The following SMAP1 variants were observed in gnomAD, a reference collection of about 807,000 sequenced individuals.
SMAP1 encodes the protein small ArfGAP 1.
Under a neutral mutation model 58.5 loss-of-function variants are expected in SMAP1, and 24 were observed. The observed-to-expected ratio is 0.41, with a 90% CI of 0.30 to 0.58. The LOEUF (loss-of-function observed/expected upper bound fraction) is 0.58. Among genes scored for constraint, SMAP1 ranks in the 20% least tolerant of loss-of-function variants. The pLI is 0.29. For missense variants in SMAP1, 563 were observed against 566.3 expected (o/e 0.99, Z 0.06); for synonymous variants, 216 against 196.6 (o/e 1.10, Z -0.82).
chr6:70,682,170 A>ATTTTTTT lies in SMAP1; in HGVS notation c.118+14059_118+14065dup, dbSNP rs66981900. On this transcript the variant is annotated intron_variant, in intron 1 of 10. Transcript: ENST00000370455. ...GGATTTAAGGTTATTCTCTGCACAGATTTTTTTTTTTTTTTTTTTTTTTTT... is the reference window on the plus strand; with the variant it reads ...GGATTTAAGGTTATTCTCTGCACAGATTTTTTTTTTTTTTTTTTTTTTTTTTTTTTTT... 1.8e-4 allele frequency among the ~76,000 whole-genome samples: 17 copies of ATTTTTTT among 95,920 alleles called. 1 individual carries two copies. The highest frequency in any genetic ancestry group is 2.2e-4 in the Non-Finnish European group (11 of 50,684). The allele number at this position is 95,920 out of a possible 152,430, so 62.9% of individuals were successfully genotyped here. A position where few individuals can be genotyped will look rare whatever the true frequency, so the allele number is the denominator to read the frequency against.
chr6:70,801,301 G>C (rs1282541029), intron 6 of SMAP1, among the ~76,000 whole-genome samples: 1 of 152,108 alleles, frequency 6.6e-6, no homozygotes, highest in Non-Finnish European at 1.5e-5. Context: ...ATATCTGTTG[G>C]CTGCATAAAT....
intron 6 of SMAP1, among the ~76,000 whole-genome samples, chr6:70,826,377 T>C (rs894071149): frequency 2.0e-5 from 3 of 152,072 alleles, no homozygotes; most frequent in African/African-American, 7.2e-5. Flanking sequence ...ATGGATTCTA[T>C]GCAAAATTCA....
chr6:70,829,351 G>C (rs1410143593), intron 6 of SMAP1, among the ~76,000 whole-genome samples: 1 of 151,706 alleles, frequency 6.6e-6, no homozygotes, highest in African/African-American at 2.4e-5. Context: ...GGGCTGAAGC[G>C]ATTCTCCTAC....
intron 2 of SMAP1, among the ~76,000 whole-genome samples, chr6:70,749,962 A>G (rs1438049399): frequency 6.6e-6 from 1 of 152,234 alleles, no homozygotes; most frequent in Non-Finnish European, 1.5e-5. Context: ...TGGAAGATTA[A>G]AACAAAATAT....
intron 3 of SMAP1, chr6:70,759,837 A>C (rs1394468038): frequency 2.2e-6 from 1 of 445,784 alleles, no homozygotes; most frequent in Non-Finnish European, 4.5e-6. Flanking sequence ...GTGAAGATAT[A>C]ATACTGGAAA....
Position 70,858,248 on chromosome 6 carries a change from C to T in SMAP1, c.1269+19C>T. The T allele has an allele frequency of 3.6e-6, 4 of 1,105,772 alleles. No homozygotes were observed. Among genetic ancestry groups the T allele is most frequent in the South Asian group, 1.3e-5 (1 of 75,816 alleles). The allele number at this position is 1,105,772 out of a possible 1,614,324, so 68.5% of individuals were successfully genotyped here. A position where few individuals can be genotyped will look rare whatever the true frequency, so the allele number is the denominator to read the frequency against. On this transcript the variant is annotated intron_variant, in intron 10 of 10. Transcript: ENST00000370455. ...CTCACAGGTAGGGGTCATTTACTTT[C>T]TAGCTTCTCCCAAATCAAACCAGAT...
intron 3 of SMAP1, among the ~76,000 whole-genome samples, chr6:70,766,592 G>A (rs181304040): frequency 6.6e-6 from 1 of 151,936 alleles, no homozygotes; most frequent in South Asian, 2.1e-4. Context: ...TTGATGGGGT[G>A]GTTTGTTTTT....
intron 1 of SMAP1, among the ~76,000 whole-genome samples, chr6:70,716,520 G>T (rs1340176484): frequency 6.6e-6 from 1 of 152,062 alleles, no homozygotes; most frequent in African/African-American, 2.4e-5. Flanking sequence ...GTGGCTTGGG[G>T]GTTGGAGGCT....
rs1034826201 is a variant in SMAP1, at chr6:70,683,479, T to A, written c.118+15338T>A. Among the ~76,000 whole-genome samples the A allele has an allele frequency of 4.6e-5, 7 of 152,288 alleles. No individual in the cohort carries two copies. In the Middle Eastern group the frequency reaches 0.01, roughly 222 times the overall value. On this transcript the variant is annotated intron_variant, in intron 1 of 10. Transcript: ENST00000370455. Reference sequence around the variant, plus strand: ...GCCACTGAGAATATTGAACATTTTTTAATGTGCTCATTGGTCATTTCTATT... The same window carrying A: ...GCCACTGAGAATATTGAACATTTTTAAATGTGCTCATTGGTCATTTCTATT...
intron 8 of SMAP1, among the ~76,000 whole-genome samples, chr6:70,854,348 A>G (rs1757097717): frequency 6.6e-6 from 1 of 152,186 alleles, no homozygotes; most frequent in Non-Finnish European, 1.5e-5. Context: ...TTGGCCAGGT[A>G]TGGTGGTTCA....
Position 70,667,911 on chromosome 6 carries a change from C to T in SMAP1, c.-113C>T. 1 of 869,090 alleles carries T rather than the reference C, an allele frequency of 1.2e-6. No homozygotes were observed. The highest frequency in any genetic ancestry group is 1.7e-6 in the Non-Finnish European group (1 of 589,016). 53.8% of individuals were successfully genotyped at this position (869,090 alleles called of 1,614,324 possible). On this transcript the variant is annotated 5_prime_UTR_variant, in exon 1 of 11. Transcript: ENST00000370455. ...CCGTTCCAGCTGCCGCTGCCGCTTC[C>T]TGGGCTGAGTCCGCCCGCGGTCCCG...
intron 7 of SMAP1, among the ~76,000 whole-genome samples, chr6:70,844,705 T>C (rs1770923854): frequency 2.0e-5 from 3 of 152,238 alleles, no homozygotes. Context: ...TTGAAAAGTT[T>C]AATATGCTTC....
At position 70,860,393 on chromosome 6, in the gene SMAP1, C is replaced by G. The variant is rs1055905131; in HGVS notation, c.*59C>G. 4.5e-6 allele frequency: 7 copies of G among 1,553,652 alleles called. No homozygotes were observed. In the South Asian group the frequency reaches 5.0e-5, roughly 11 times the overall value. On this transcript the variant is annotated 3_prime_UTR_variant, in exon 11 of 11. Coordinates refer to ENST00000370455, the MANE Select transcript of SMAP1 (RefSeq NM_001044305.3). ...CCTGACATTCCTTGCTGAAACGCAT[C>G]TAGTTCCCCTGTTTATTCATATGCA...
chr6:70,717,302 G>A (rs974956941), intron 1 of SMAP1, among the ~76,000 whole-genome samples: 1 of 152,196 alleles, frequency 6.6e-6, no homozygotes, highest in African/African-American at 2.4e-5. Flanking sequence ...AGGCTGCACT[G>A]TCTCTTTGTT....
chr6:70,790,919 A>G (rs1173250630), intron 4 of SMAP1, among the ~76,000 whole-genome samples: 1 of 152,224 alleles, frequency 6.6e-6, no homozygotes, highest in East Asian at 1.9e-4. Context: ...CAGGAAGATA[A>G]TGCTTCCATT....
At chr6:70,770,857 G>GT (rs1182764713) in intron 3 of SMAP1, among the ~76,000 whole-genome samples, 1 of 152,108 alleles carries the variant, frequency 6.6e-6, no homozygotes, top group East Asian at 1.9e-4. Context: ...TTTCTGCTCT[G>GT]TTTTTTCCCC....
At position 70,858,224 on chromosome 6, in the gene SMAP1, T is replaced by C. The variant is rs776481870; in HGVS notation, c.1264T>C (p.Ser422Pro). The C allele has an allele frequency of 3.2e-6, 5 of 1,583,562 alleles. No homozygotes were observed. Among genetic ancestry groups the C allele is most frequent in the Non-Finnish European group, 4.3e-6 (5 of 1,162,120 alleles). ...AGCTCAGCAGCCCCAGTGGAGCCTC[T>C]CACAGGTAGGGGTCATTTACTTTCT... is the stretch of plus-strand genomic sequence containing the variant. ...PQAQQPQWSL[S>P]QMNQQMAGMS... Residue 422 changes from serine to proline, a missense_variant, in exon 10 of 11, where the codon TCA becomes CCA. By Grantham distance (74) the Ser-to-Pro change is moderately conservative. Coordinates refer to ENST00000370455, the MANE Select transcript of SMAP1 (RefSeq NM_001044305.3).
rs1263426268 is a variant in SMAP1 at position 70,668,028 on chromosome 6, C to G, written c.5C>G (p.Ala2Gly). ...GCTCCCCGCCCCGCTGCCGAGATGG[C>G]GACGCGCTCCTGTCGGGAGAAGGCT... M[A>G]TRSCREKAQK... is the part of the protein sequence containing the mutation. The change falls in exon 1 of 11, where the codon GCG (alanine) becomes GGG (glycine). Residue 2 changes from alanine to glycine, a missense_variant. Around this residue, in one of 3 missense-constraint regions of SMAP1, gnomAD observed 52 missense variants for 46.6 expected, o/e 1.11. Coordinates refer to ENST00000370455, the MANE Select transcript of SMAP1 (RefSeq NM_001044305.3). 6.3e-7 allele frequency: 1 copy of G among 1,593,878 alleles called. No individual in the cohort carries two copies. The highest frequency in any genetic ancestry group is 8.5e-7 in the Non-Finnish European group (1 of 1,171,660).
At chr6:70,844,222 G>A (rs896147972) in intron 7 of SMAP1, among the ~76,000 whole-genome samples, 23 of 152,276 alleles carry the variant, frequency 1.5e-4, no homozygotes, top group Admixed American at 1.3e-4. Context: ...ATAAAATGGT[G>A]CAGTGATTTG....
Sources: allele counts gnomAD v4.1 joint callset (sites outside exome capture counted in the v4.1 genomes callset), GRCh38; gene constraint gnomAD v4.1.1; regional missense constraint gnomAD v4.1.1; transcripts MANE v1.5; gene names NCBI Gene and HGNC (gene_info 2026-07-23, HGNC 2026-07-21).